TAF2: variants seen among roughly 807,000 people sequenced by gnomAD.
TAF2 encodes transcription initiation factor TFIID subunit 2.
Under a neutral mutation model 138.5 loss-of-function variants are expected in TAF2, and 61 were observed. That is an observed-to-expected ratio of 0.44 (90% confidence interval 0.36 to 0.54). The LOEUF (loss-of-function observed/expected upper bound fraction) is 0.54. Ranked by LOEUF, TAF2 falls within the 20% of genes least tolerant of loss-of-function variation. TAF2 has a pLI of 0.00. For missense variants in TAF2, 1,090 were observed against 1,427.9 expected (o/e 0.76, Z 3.81); for synonymous variants, 475 against 469.9 (o/e 1.01, Z -0.14).
In TAF2 at chr8:119,788,399, T is replaced by C. The variant is rs1207012176; in HGVS notation, c.1732A>G (p.Thr578Ala). 6.2e-7 allele frequency: 1 copy of C among 1,613,590 alleles called. No individual in the cohort carries two copies. The highest frequency in any genetic ancestry group is 8.5e-7 in the Non-Finnish European group (1 of 1,179,892). The change falls in exon 14 of 26, where the codon ACA becomes GCA. Residue 578 changes from threonine (T) to alanine (A), a missense_variant. Thr to Ala is a moderately conservative substitution (Grantham distance 58, BLOSUM62 0). Around this residue, in one of 3 missense-constraint regions of TAF2, gnomAD observed 504 missense variants for 680.9 expected, o/e 0.74. Coordinates refer to ENST00000378164, the MANE Select transcript of TAF2 (RefSeq NM_003184.4). Reference protein sequence around the residue: ...VQELDGSFNHTLQIEENSLKH... With the variant: ...VQELDGSFNHALQIEENSLKH... ...AGGCTGTTTTCTTCAATTTGCAGTG[T>C]ATGATTGAAGGATCCATCTAACTCC...
intron 24 of TAF2, among the ~76,000 whole-genome samples, chr8:119,743,291 T>A (rs1306989943): frequency 6.6e-6 from 1 of 150,668 alleles, no homozygotes; most frequent in Admixed American, 6.6e-5. Context: ...CTTAAAAAAT[T>A]CAAAAAAGAA....
At chr8:119,814,106 G>T (rs535149973) in intron 3 of TAF2, among the ~76,000 whole-genome samples, 4 of 152,086 alleles carry the variant, frequency 2.6e-5, no homozygotes, top group African/African-American at 9.7e-5. Context: ...CTGGGTGACA[G>T]AGCAAGGCTC....
intron 5 of TAF2, among the ~76,000 whole-genome samples, chr8:119,802,408 T>G (rs1824328474): frequency 6.6e-6 from 1 of 152,230 alleles, no homozygotes; most frequent in Non-Finnish European, 1.5e-5. Context: ...ATAACTAACA[T>G]TCAGAATTTA....
chr8:119,824,980 C>A (rs1403330797), intron 2 of TAF2, among the ~76,000 whole-genome samples: 1 of 152,250 alleles, frequency 6.6e-6, no homozygotes, highest in African/African-American at 2.4e-5. Flanking sequence ...CCTACTGAGG[C>A]ACCACCTAGT....
At chr8:119,759,947 T>C (rs1005041778) in intron 20 of TAF2, among the ~76,000 whole-genome samples, 14 of 152,142 alleles carry the variant, frequency 9.2e-5, no homozygotes, top group African/African-American at 3.1e-4. Context: ...CTGGTTCTGA[T>C]AGTCCTAGAA....
At chr8:119,812,645 A>C (rs1047853734) in intron 3 of TAF2, among the ~76,000 whole-genome samples, 4 of 152,122 alleles carry the variant, frequency 2.6e-5, no homozygotes, top group African/African-American at 9.7e-5. Flanking sequence ...CACTCAGAAT[A>C]CTGGCCTCCA....
At chr8:119,824,361 G>A (rs2131265514) in intron 2 of TAF2, among the ~76,000 whole-genome samples, 1 of 151,824 alleles carries the variant, frequency 6.6e-6, no homozygotes, top group South Asian at 2.1e-4. Context: ...CCCAGGAGGT[G>A]GAGGTTGCAG....
chr8:119,750,980 T>C (rs929734036), intron 22 of TAF2, among the ~76,000 whole-genome samples: 1 of 152,048 alleles, frequency 6.6e-6, no homozygotes, highest in African/African-American at 2.4e-5. Context: ...AAAGATACCA[T>C]CTCCTCAATG....
At chr8:119,749,843 C>T (rs142089819) in intron 22 of TAF2, among the ~76,000 whole-genome samples, 10 of 152,298 alleles carry the variant, frequency 6.6e-5, no homozygotes, top group African/African-American at 1.9e-4. Flanking sequence ...CGAATGATCA[C>T]ATGACAAAAT....
At chr8:119,826,369 G>T (rs1826100595) in intron 2 of TAF2, among the ~76,000 whole-genome samples, 1 of 151,798 alleles carries the variant, frequency 6.6e-6, no homozygotes, top group African/African-American at 2.4e-5. Context: ...GCTACTCCTT[G>T]CCTTCTGCCA....
intron 2 of TAF2, among the ~76,000 whole-genome samples, chr8:119,827,202 G>A (rs1826157581): frequency 6.6e-6 from 1 of 151,992 alleles, no homozygotes; most frequent in African/African-American, 2.4e-5. Context: ...AAAAAAAAAG[G>A]TTTTCCCTGG....
At chr8:119,819,619 T>C (rs1825696680) in intron 2 of TAF2, 113 bp from the exon 3 acceptor site, 2 of 804,810 alleles carry the variant, frequency 2.5e-6, no homozygotes, top group East Asian at 2.5e-5. Flanking sequence ...AAATCCCTAA[T>C]AGCTACATAC....
chr8:119,777,492 A>T (rs1428948910), intron 18 of TAF2, among the ~76,000 whole-genome samples: 3 of 152,212 alleles, frequency 2.0e-5, no homozygotes, highest in African/African-American at 7.2e-5. Flanking sequence ...ATATACTCTT[A>T]AAAACATTTG....
At chr8:119,831,161 G>T (rs1459483032) in intron 2 of TAF2, among the ~76,000 whole-genome samples, 1 of 152,068 alleles carries the variant, frequency 6.6e-6, no homozygotes, top group African/African-American at 2.4e-5. Context: ...TCCTAAAATT[G>T]ATTATATCAG....
At chr8:119,824,515 C>T (rs925908011) in intron 2 of TAF2, among the ~76,000 whole-genome samples, 2 of 152,048 alleles carry the variant, frequency 1.3e-5, no homozygotes, top group Non-Finnish European at 1.5e-5. Flanking sequence ...TAACAGGGAG[C>T]TGAATGTTAA....
chr8:119,803,870 T>TA lies in TAF2; in HGVS notation c.560+7dup, dbSNP rs763476931. 7 of 1,609,676 alleles carry TA rather than the reference T, an allele frequency of 4.3e-6. No individual in the cohort carries two copies. The highest frequency in any genetic ancestry group is 1.7e-4 in the Middle Eastern group (1 of 6,040). On this transcript the variant is annotated splice_region_variant and intron_variant, in intron 5 of 25. Coordinates refer to ENST00000378164, the MANE Select transcript of TAF2 (RefSeq NM_003184.4). Reference sequence around the variant, plus strand: ...ATTAATTGAAATATTTAAGAATCTATAATCTACCTTGTAGAATTTTGATAC... The same window carrying TA: ...ATTAATTGAAATATTTAAGAATCTATAAATCTACCTTGTAGAATTTTGATAC...
intron 3 of TAF2, among the ~76,000 whole-genome samples, chr8:119,815,337 G>A (rs1825383139): frequency 6.6e-6 from 1 of 151,286 alleles, no homozygotes; most frequent in African/African-American, 2.4e-5. Context: ...GGCAGTGGCT[G>A]GATCTCTGCT....
chr8:119,801,655 C>T (rs564508812), intron 6 of TAF2, 139 bp downstream of exon 6: 8 of 779,426 alleles, frequency 1.0e-5, no homozygotes, highest in Middle Eastern at 2.9e-4. Flanking sequence ...GTCTCGATCT[C>T]CTGACCCTGT....
chr8:119,780,180 G>C (rs1291740326), intron 17 of TAF2, among the ~76,000 whole-genome samples: 1 of 151,834 alleles, frequency 6.6e-6, no homozygotes, highest in Non-Finnish European at 1.5e-5. Context: ...AAACCTCTAT[G>C]TATGATATCC....
Sources: allele counts gnomAD v4.1 joint callset (sites outside exome capture counted in the v4.1 genomes callset), GRCh38; gene constraint gnomAD v4.1.1; regional missense constraint gnomAD v4.1.1; transcripts MANE v1.5; gene names NCBI Gene and HGNC (gene_info 2026-07-23, HGNC 2026-07-21).